SLC1A3: variants seen among roughly 807,000 people sequenced by gnomAD.
The protein encoded by SLC1A3 is solute carrier family 1 member 3.
SLC1A3 carries 21 observed loss-of-function variants against 48.1 expected under a neutral mutation model. That is an observed-to-expected ratio of 0.44 (90% confidence interval 0.31 to 0.63). The LOEUF is 0.63. Among genes scored for constraint, SLC1A3 ranks in the 20% least tolerant of loss-of-function variants. The pLI is 0.08. For synonymous variants in SLC1A3, 239 were observed against 251.4 expected (o/e 0.95, Z 0.47); for missense variants, 546 against 689.0 (o/e 0.79, Z 2.32).
chr5:36,601,322 T>C (rs1303786927), intron 1 of SLC1A3, among the ~76,000 whole-genome samples: 1 of 152,244 alleles, frequency 6.6e-6, no homozygotes, highest in Non-Finnish European at 1.5e-5. Context: ...TGAGAAGCCA[T>C]TAATCACTGA....
intron 7 of SLC1A3, 160 bp from the exon 8 acceptor site, chr5:36,680,235 A>G: frequency 1.4e-6 from 1 of 705,394 alleles, no homozygotes; most frequent in South Asian, 1.6e-5. Context: ...AGGGGACCAC[A>G]CTGTTCTTAA....
At chr5:36,673,864 A>G (rs10491375) in intron 4 of SLC1A3, among the ~76,000 whole-genome samples, 185 bp from the exon 5 acceptor site, 184 of 152,272 alleles carry the variant, frequency 1.2e-3, no homozygotes, top group African/African-American at 4.2e-3. Context: ...GAAAATATGA[A>G]CTACATGGGC....
intron 3 of SLC1A3, among the ~76,000 whole-genome samples, chr5:36,644,701 A>G (rs1238080647): frequency 6.6e-6 from 1 of 152,236 alleles, no homozygotes; most frequent in Non-Finnish European, 1.5e-5. Flanking sequence ...AGCACAGTTA[A>G]TCACTTTTAC....
At chr5:36,627,823 T>G (rs1739973845) in intron 2 of SLC1A3, among the ~76,000 whole-genome samples, 1 of 152,134 alleles carries the variant, frequency 6.6e-6, no homozygotes, top group Non-Finnish European at 1.5e-5. Flanking sequence ...GAGTCCAAAT[T>G]GTCTGTTTTT....
At chr5:36,612,120 T>C (rs958924265) in intron 2 of SLC1A3, among the ~76,000 whole-genome samples, 1 of 151,994 alleles carries the variant, frequency 6.6e-6, no homozygotes, top group Non-Finnish European at 1.5e-5. Flanking sequence ...ATTTGAGTTC[T>C]CCTTTTTCTG....
intron 3 of SLC1A3, among the ~76,000 whole-genome samples, chr5:36,645,215 G>A (rs192423976): frequency 6.6e-6 from 1 of 151,246 alleles, no homozygotes; most frequent in East Asian, 1.9e-4. Context: ...TTGAGTATCT[G>A]CAAGGAGAGC....
At chr5:36,641,992 C>G (rs1333233690) in intron 3 of SLC1A3, among the ~76,000 whole-genome samples, 1 of 152,166 alleles carries the variant, frequency 6.6e-6, no homozygotes, top group Non-Finnish European at 1.5e-5. Context: ...AGATTTCAAG[C>G]CCTTTTTCTG....
intron 3 of SLC1A3, among the ~76,000 whole-genome samples, chr5:36,663,380 ATTTTTT>A (rs1156283585): frequency 2.9e-4 from 20 of 69,326 alleles, no homozygotes; most frequent in African/African-American, 1.0e-3. Context: ...CACGCCCGGC[ATTTTTT>A]TTTTTTTTTT....
At chr5:36,636,048 T>C (rs952106982) in intron 3 of SLC1A3, 1 of 147,864 alleles carries the variant, frequency 6.8e-6, no homozygotes, top group African/African-American at 2.5e-5. Flanking sequence ...TAAATGTTTG[T>C]GTGTGTGTGT....
At chr5:36,624,510 A>G (rs1000598998) in intron 2 of SLC1A3, among the ~76,000 whole-genome samples, 2 of 152,164 alleles carry the variant, frequency 1.3e-5, no homozygotes, top group Admixed American at 1.3e-4. Context: ...TGCCCTCTCA[A>G]TGACTCTGAT....
intron 3 of SLC1A3, among the ~76,000 whole-genome samples, chr5:36,661,606 T>C (rs571981220): frequency 3.3e-5 from 5 of 152,240 alleles, no homozygotes; most frequent in Admixed American, 6.5e-5. Context: ...CACAGGTGCA[T>C]GTGGCTCCTT....
At chr5:36,621,972 GT>G (rs1361015258) in intron 2 of SLC1A3, among the ~76,000 whole-genome samples, 1 of 152,164 alleles carries the variant, frequency 6.6e-6, no homozygotes, top group African/African-American at 2.4e-5. Flanking sequence ...TTTGGTTTTG[GT>G]TTTGCTACCT....
intron 3 of SLC1A3, among the ~76,000 whole-genome samples, chr5:36,645,517 GT>G: frequency 6.6e-6 from 1 of 151,508 alleles, no homozygotes; most frequent in East Asian, 1.9e-4. Context: ...GTATAGACAG[GT>G]TTCACCATCT....
At chr5:36,631,381 A>G (rs2111763541) in intron 3 of SLC1A3, among the ~76,000 whole-genome samples, 1 of 152,352 alleles carries the variant, frequency 6.6e-6, no homozygotes, top group South Asian at 2.1e-4. Flanking sequence ...AATAACAAAC[A>G]ACTTTATTGA....
At chr5:36,612,767 T>C (rs1739261744) in intron 2 of SLC1A3, 1 of 455,830 alleles carries the variant, frequency 2.2e-6, no homozygotes, top group African/African-American at 2.0e-5. Context: ...GAAGCCCAAA[T>C]CCTTACCACA....
At chr5:36,650,992 A>G (rs1183495310) in intron 3 of SLC1A3, among the ~76,000 whole-genome samples, 3 of 152,198 alleles carry the variant, frequency 2.0e-5, no homozygotes, top group Non-Finnish European at 4.4e-5. Context: ...TTCCCTTTCA[A>G]GTTACCAAGA....
At chr5:36,599,269 A>G (rs929339608) in intron 1 of SLC1A3, among the ~76,000 whole-genome samples, 9 of 152,166 alleles carry the variant, frequency 5.9e-5, no homozygotes, top group African/African-American at 2.2e-4. Context: ...AATGGTTAGG[A>G]CTGGGAGTGC....
chr5:36,684,456 C>G (rs980280606), intron 9 of SLC1A3, among the ~76,000 whole-genome samples: 2 of 152,228 alleles, frequency 1.3e-5, no homozygotes, highest in Admixed American at 1.3e-4. Flanking sequence ...TATGCCGACA[C>G]TGGGAAGAGA....
intron 8 of SLC1A3, among the ~76,000 whole-genome samples, chr5:36,683,521 T>C (rs1399469815): frequency 6.6e-6 from 1 of 152,018 alleles, no homozygotes; most frequent in Non-Finnish European, 1.5e-5. Context: ...CTAACCTGGC[T>C]AACATGGTGA....
Sources: gnomAD v4.1 joint callset for allele counts (sites outside exome capture counted in the v4.1 genomes callset) on GRCh38, gnomAD v4.1.1 for gene constraint, MANE v1.5 for transcripts, NCBI Gene and HGNC (gene_info 2026-07-23, HGNC 2026-07-21) for gene names.